DSCAM: variants seen among roughly 807,000 people sequenced by gnomAD.
DSCAM encodes the protein cell adhesion molecule DSCAM.
In DSCAM, 47 loss-of-function variants were observed where a neutral mutation model predicts 217.7. The observed-to-expected ratio is 0.22, with a 90% CI of 0.17 to 0.28. The LOEUF is 0.28. Ranked by LOEUF, DSCAM falls within the 10% of genes least tolerant of loss-of-function variation. DSCAM has a pLI of 1.00. For synonymous variants in DSCAM, 1,056 were observed against 1,015.3 expected (o/e 1.04, Z -0.76); for missense variants, 2,080 against 2,618.3 (o/e 0.79, Z 4.49).
chr21:40,692,705 T>C, intron 3 of DSCAM, 105 bp downstream of exon 3: 1 of 1,362,480 alleles, frequency 7.3e-7, no homozygotes, highest in African/African-American at 1.4e-5. Context: ...AGAATACTAA[T>C]TCTGAATTAT....
chr21:40,083,184 T>C (rs973584016), intron 24 of DSCAM, among the ~76,000 whole-genome samples: 3 of 152,204 alleles, frequency 2.0e-5, no homozygotes, highest in Non-Finnish European at 4.4e-5. Flanking sequence ...ATCCCAGTAC[T>C]TTGAGAGGCC....
At chr21:40,339,577 T>A (rs149808121) in intron 6 of DSCAM, among the ~76,000 whole-genome samples, 162 bp from the exon 7 acceptor site, 2 of 152,326 alleles carry the variant, frequency 1.3e-5, no homozygotes, top group East Asian at 3.9e-4. Flanking sequence ...GAACAAGAGT[T>A]CACTGTTTTC....
At chr21:40,827,448 C>T (rs868826969) in intron 1 of DSCAM, among the ~76,000 whole-genome samples, 76 of 129,776 alleles carry the variant, frequency 5.9e-4, no homozygotes, top group African/African-American at 2.1e-3. Flanking sequence ...CAGCCTAGGC[C>T]ACAGAGTCAG....
At chr21:40,598,377 C>T (rs1426348160) in intron 3 of DSCAM, among the ~76,000 whole-genome samples, 4 of 151,738 alleles carry the variant, frequency 2.6e-5, no homozygotes, top group African/African-American at 7.3e-5. Context: ...CTTTAGTAAA[C>T]ATTCATGTGC....
chr21:40,498,933 TAAG>T (rs2076150916), intron 3 of DSCAM, among the ~76,000 whole-genome samples: 1 of 150,824 alleles, frequency 6.6e-6, no homozygotes, highest in Non-Finnish European at 1.5e-5. Flanking sequence ...TTCTCAATGC[TAAG>T]AAGGGAGATT....
rs544800351 is a variant in DSCAM, at chr21:40,305,111, C to T, written c.2062+6970G>A. On this transcript the variant is annotated intron_variant, in intron 9 of 32. Coordinates refer to ENST00000400454, the MANE Select transcript of DSCAM (RefSeq NM_001389.5). ...GAAGCACAATAAAGCAAAGTGTGGCCGGGCATGGTGGCTCACTCCTGTAAT... is the reference window on the plus strand; with the variant it reads ...GAAGCACAATAAAGCAAAGTGTGGCTGGGCATGGTGGCTCACTCCTGTAAT... Among the ~76,000 whole-genome samples the T allele has an allele frequency of 4.6e-5, 7 of 152,082 alleles. 1 individual carries two copies. The highest frequency in any genetic ancestry group is 1.2e-4 in the African/African-American group (5 of 41,472).
chr21:40,699,016 G>A (rs2090626050), intron 2 of DSCAM, among the ~76,000 whole-genome samples: 1 of 150,886 alleles, frequency 6.6e-6, no homozygotes, highest in African/African-American at 2.4e-5. Context: ...TTTTTTACAA[G>A]TTGAAGATTT....
intron 2 of DSCAM, 151 bp downstream of exon 2, chr21:40,708,303 G>A (rs1046600900): frequency 1.8e-6 from 1 of 546,102 alleles, no homozygotes; most frequent in Non-Finnish European, 2.9e-6. Flanking sequence ...TAAACAAGGA[G>A]ACCTTAAAGA....
intron 1 of DSCAM, among the ~76,000 whole-genome samples, chr21:40,812,935 C>T (rs2091851257): frequency 1.3e-5 from 2 of 152,148 alleles, no homozygotes; most frequent in Admixed American, 1.3e-4. Flanking sequence ...TTGAAAATTG[C>T]CTGCTAAATT....
At chr21:40,461,824 A>G (rs1237391777) in intron 3 of DSCAM, among the ~76,000 whole-genome samples, 3 of 152,340 alleles carry the variant, frequency 2.0e-5, no homozygotes, top group South Asian at 4.1e-4. Context: ...AGAAGGGACT[A>G]ATGGATTGTG....
chr21:40,689,715 G>A (rs1004131077), intron 3 of DSCAM, among the ~76,000 whole-genome samples: 3 of 152,188 alleles, frequency 2.0e-5, no homozygotes, highest in Non-Finnish European at 4.4e-5. Context: ...TTGATAATCC[G>A]GGAAGAGGGA....
At chr21:40,434,926 T>C (rs1164984601) in intron 3 of DSCAM, among the ~76,000 whole-genome samples, 1 of 152,142 alleles carries the variant, frequency 6.6e-6, no homozygotes. Context: ...GTTTGTTGAG[T>C]GGGACAAGTA....
chr21:40,587,164 G>A (rs17000063), intron 3 of DSCAM, among the ~76,000 whole-genome samples: 1,593 of 152,154 alleles, frequency 0.01, 24 homozygotes, highest in African/African-American at 0.036. Flanking sequence ...CATTGGAGAG[G>A]ATATGAAAAA....
chr21:40,638,064 T>C (rs1175736011), intron 3 of DSCAM, among the ~76,000 whole-genome samples: 3 of 152,182 alleles, frequency 2.0e-5, no homozygotes, highest in Non-Finnish European at 4.4e-5. Flanking sequence ...GCTATAGTTC[T>C]ATGAGAACAT....
At chr21:40,100,704 G>A (rs576175514) in intron 20 of DSCAM, among the ~76,000 whole-genome samples, 5 of 151,722 alleles carry the variant, frequency 3.3e-5, no homozygotes, top group African/African-American at 9.7e-5. Flanking sequence ...AAACACTGCG[G>A]TATAAAGAAG....
intron 1 of DSCAM, among the ~76,000 whole-genome samples, chr21:40,820,138 C>A (rs2091913553): frequency 6.6e-6 from 1 of 152,086 alleles, no homozygotes; most frequent in Non-Finnish European, 1.5e-5. Context: ...ATAAATCATT[C>A]TACTATAAAG....
chr21:40,559,960 A>AT (rs1392817608), intron 3 of DSCAM, among the ~76,000 whole-genome samples: 1 of 151,802 alleles, frequency 6.6e-6, no homozygotes, highest in Admixed American at 6.6e-5. Flanking sequence ...TGCCCGGCTA[A>AT]TTTTTTGTAT....
intron 3 of DSCAM, among the ~76,000 whole-genome samples, chr21:40,598,958 GATC>G (rs1206380789): frequency 6.6e-6 from 1 of 152,126 alleles, no homozygotes; most frequent in Non-Finnish European, 1.5e-5. Context: ...ATATAATGCT[GATC>G]ATCTTTTCAT....
intron 3 of DSCAM, among the ~76,000 whole-genome samples, chr21:40,433,524 T>G (rs1024297515): frequency 6.6e-6 from 1 of 152,150 alleles, no homozygotes; most frequent in Non-Finnish European, 1.5e-5. Context: ...TATAATTCAA[T>G]TATTAAGGAA....
Sources: allele counts gnomAD v4.1 joint callset (sites outside exome capture counted in the v4.1 genomes callset), GRCh38; gene constraint gnomAD v4.1.1; transcripts MANE v1.5; gene names NCBI Gene and HGNC (gene_info 2026-07-23, HGNC 2026-07-21).